NRXN1: variants seen among roughly 807,000 people sequenced by gnomAD.
NRXN1 encodes the protein neurexin 1, also known as neurexin-1.
Under a neutral mutation model 150.9 loss-of-function variants are expected in NRXN1, and 39 were observed. The ratio of observed to expected loss-of-function variants is 0.26; its 90% CI spans 0.20 to 0.34. The LOEUF is 0.34. Among genes scored for constraint, NRXN1 ranks in the 10% least tolerant of loss-of-function variants. The probability of loss-of-function intolerance (pLI) is 1.00; values close to 1 mark genes in which losing one functional copy is unlikely to be tolerated. For synonymous variants in NRXN1, 924 were observed against 757.0 expected (o/e 1.22, Z -3.62); for missense variants, 1,815 against 1,949.9 (o/e 0.93, Z 1.30).
chr2:50,933,414 G>A (rs953317769), intron 2 of NRXN1, among the ~76,000 whole-genome samples: 1 of 151,902 alleles, frequency 6.6e-6, no homozygotes, highest in Admixed American at 6.6e-5. Context: ...TTACATACTC[G>A]CTGTGTAGTA....
chr2:50,061,821 C>G (rs187656115), intron 19 of NRXN1, among the ~76,000 whole-genome samples: 1 of 152,298 alleles, frequency 6.6e-6, no homozygotes, highest in East Asian at 1.9e-4. Context: ...GGTACCTTCA[C>G]TGAAAATGTC....
intron 17 of NRXN1, among the ~76,000 whole-genome samples, chr2:50,349,392 G>C (rs1014619944): frequency 2.6e-5 from 4 of 152,118 alleles, no homozygotes; most frequent in African/African-American, 9.7e-5. Flanking sequence ...TCACTAACAA[G>C]AGTCGTGATT....
chr2:50,091,643 G>A, intron 18 of NRXN1, 149 bp from the exon 19 acceptor site: 1 of 776,766 alleles, frequency 1.3e-6, no homozygotes, highest in South Asian at 1.5e-5. Context: ...TGTAGTAGAA[G>A]CAAGATTCTT....
At chr2:50,669,418 CAG>C (rs1688528133) in intron 5 of NRXN1, among the ~76,000 whole-genome samples, 1 of 151,880 alleles carries the variant, frequency 6.6e-6, no homozygotes, top group African/African-American at 2.4e-5. Flanking sequence ...AAAATACAAA[CAG>C]AAACTATCTT....
chr2:50,915,305 T>A (rs543731265), intron 5 of NRXN1, among the ~76,000 whole-genome samples: 2 of 151,730 alleles, frequency 1.3e-5, no homozygotes, highest in Non-Finnish European at 3.0e-5. Flanking sequence ...TGTGAAGTCA[T>A]TAGTATGGCA....
chr2:50,711,404 T>C (rs559462703), intron 5 of NRXN1, among the ~76,000 whole-genome samples: 13 of 150,874 alleles, frequency 8.6e-5, no homozygotes, highest in African/African-American at 3.2e-4. Flanking sequence ...GGCACAATCT[T>C]GGCTCACTGC....
At chr2:50,310,176 C>A (rs1042984330) in intron 17 of NRXN1, among the ~76,000 whole-genome samples, 2 of 152,192 alleles carry the variant, frequency 1.3e-5, no homozygotes, top group Non-Finnish European at 2.9e-5. Flanking sequence ...ACATTTCAGG[C>A]AGCTTACACT....
chr2:50,355,549 C>T (rs1411234768), intron 17 of NRXN1, among the ~76,000 whole-genome samples: 3 of 152,124 alleles, frequency 2.0e-5, no homozygotes, highest in Admixed American at 2.0e-4. Flanking sequence ...AAACACACTG[C>T]ACACTTTTTG....
At chr2:50,870,241 A>T (rs960070150) in intron 5 of NRXN1, among the ~76,000 whole-genome samples, 1 of 151,936 alleles carries the variant, frequency 6.6e-6, no homozygotes, top group Non-Finnish European at 1.5e-5. Flanking sequence ...TTATAAAACC[A>T]AATAACCATA....
chr2:50,414,273 T>A (rs1385423241), intron 17 of NRXN1, among the ~76,000 whole-genome samples: 1 of 152,104 alleles, frequency 6.6e-6, no homozygotes, highest in Admixed American at 6.6e-5. Context: ...ATGTGTGTAT[T>A]TCACATTGCA....
chr2:50,672,753 G>GATT (rs1689040599), intron 5 of NRXN1, among the ~76,000 whole-genome samples: 1 of 151,966 alleles, frequency 6.6e-6, no homozygotes, highest in Non-Finnish European at 1.5e-5. Flanking sequence ...AAAGAAAACT[G>GATT]ATTATTTTGA....
At chr2:50,667,956 C>A (rs191979284) in intron 5 of NRXN1, among the ~76,000 whole-genome samples, 49 of 152,040 alleles carry the variant, frequency 3.2e-4, no homozygotes, top group African/African-American at 1.2e-3. Flanking sequence ...TTGTCTATGG[C>A]ATAACAAAAT....
chr2:50,071,205 C>A (rs1362702301), intron 19 of NRXN1, among the ~76,000 whole-genome samples: 2 of 152,192 alleles, frequency 1.3e-5, no homozygotes, highest in Admixed American at 1.3e-4. Context: ...TTATCTAATA[C>A]TTTTTCTGAA....
At chr2:50,216,547 T>C (rs1458976936) in intron 18 of NRXN1, among the ~76,000 whole-genome samples, 1 of 152,032 alleles carries the variant, frequency 6.6e-6, no homozygotes, top group African/African-American at 2.4e-5. Context: ...TTCTACAAGA[T>C]CTACATTTTT....
chr2:49,959,991 C>G (rs1341512590), intron 21 of NRXN1, among the ~76,000 whole-genome samples: 3 of 152,136 alleles, frequency 2.0e-5, no homozygotes, highest in Non-Finnish European at 2.9e-5. Flanking sequence ...TTCTCTTTTG[C>G]TTTTTGACTT....
chr2:50,946,177 G>T (rs1039579688), intron 2 of NRXN1, among the ~76,000 whole-genome samples: 2 of 152,044 alleles, frequency 1.3e-5, no homozygotes, highest in East Asian at 3.9e-4. Context: ...AGTCATGAGA[G>T]ATGTCCGTCA....
At chr2:50,096,947 G>C (rs570610883) in intron 18 of NRXN1, among the ~76,000 whole-genome samples, 2 of 152,076 alleles carry the variant, frequency 1.3e-5, no homozygotes, top group Non-Finnish European at 2.9e-5. Context: ...CAATATCTTG[G>C]GTATACTTCA....
intron 5 of NRXN1, among the ~76,000 whole-genome samples, chr2:50,681,905 T>C (rs1040445325): frequency 2.6e-5 from 4 of 152,222 alleles, no homozygotes; most frequent in Non-Finnish European, 5.9e-5. Context: ...ATTAGTTCTA[T>C]GATCTTTGGC....
chr2:51,021,990 G>A (rs1233297352), intron 2 of NRXN1, among the ~76,000 whole-genome samples: 1 of 152,008 alleles, frequency 6.6e-6, no homozygotes, highest in Non-Finnish European at 1.5e-5. Flanking sequence ...CTAGACATGG[G>A]TAACATTAGA....
Sources: allele counts gnomAD v4.1 joint callset (sites outside exome capture counted in the v4.1 genomes callset), GRCh38; gene constraint gnomAD v4.1.1; transcripts MANE v1.5; gene names NCBI Gene and HGNC (gene_info 2026-07-23, HGNC 2026-07-21).